JAKMIP2: variants seen among roughly 807,000 people sequenced by gnomAD.
JAKMIP2 encodes janus kinase and microtubule-interacting protein 2.
Under a neutral mutation model 115.0 loss-of-function variants are expected in JAKMIP2, and 25 were observed. The observed-to-expected ratio is 0.22, with a 90% CI of 0.16 to 0.30. JAKMIP2 has a LOEUF of 0.30. JAKMIP2 is among the 10% of genes least tolerant of loss of function. The probability of loss-of-function intolerance (pLI) is 1.00; values close to 1 mark genes in which losing one functional copy is unlikely to be tolerated. For synonymous variants in JAKMIP2, 334 were observed against 343.6 expected (o/e 0.97, Z 0.31); for missense variants, 642 against 957.6 (o/e 0.67, Z 4.35).
chr5:147,657,018 A>G, intron 3 of JAKMIP2, among the ~76,000 whole-genome samples: 1 of 152,144 alleles, frequency 6.6e-6, no homozygotes. Context: ...TGTGGCTCAC[A>G]CCTGTAATCC....
intron 3 of JAKMIP2, among the ~76,000 whole-genome samples, chr5:147,655,002 C>A (rs764348999): frequency 3.9e-5 from 6 of 152,104 alleles, no homozygotes; most frequent in Non-Finnish European, 7.3e-5. Flanking sequence ...TGATGGATTA[C>A]ATTTATTGAT....
intron 1 of JAKMIP2, among the ~76,000 whole-genome samples, chr5:147,752,370 T>G (rs1256513189): frequency 6.6e-6 from 1 of 152,078 alleles, no homozygotes; most frequent in Non-Finnish European, 1.5e-5. Flanking sequence ...GTTAAGTGAG[T>G]GACATGACCA....
Position 147,782,645 on chromosome 5 carries a change from C to A in JAKMIP2, c.-338G>T. 1.4e-6 allele frequency: 1 copy of A among 690,076 alleles called. No individual in the cohort carries two copies. The highest frequency in any genetic ancestry group is 2.6e-6 in the Non-Finnish European group (1 of 382,378). 42.7% of individuals were successfully genotyped at this position (690,076 alleles called of 1,614,324 possible). On this transcript the variant is annotated 5_prime_UTR_variant, in exon 1 of 22. Coordinates refer to ENST00000616793, the MANE Select transcript of JAKMIP2 (RefSeq NM_001270941.2). The stretch of plus-strand genomic sequence containing the variant: ...CCTTCCAGCCCCACTAGAGTATCAG[C>A]AATAGAGGCGGCGGCGGCGGCAGCA...
intron 5 of JAKMIP2, among the ~76,000 whole-genome samples, chr5:147,646,333 A>G (rs1758127711): frequency 6.6e-6 from 1 of 152,212 alleles, no homozygotes. Context: ...CTTAGTCCTT[A>G]GTGCCTGAAG....
In JAKMIP2 at chr5:147,742,148, T is replaced by C. The variant is rs1036469467; in HGVS notation, c.-149+40308A>G. The stretch of plus-strand genomic sequence containing the variant: ...TTAGCCCTGTGGATCATTATATATA[T>C]ATATATATTTTTTTTACTATTGTAT... On this transcript the variant is annotated intron_variant, in intron 1 of 21. Transcript: ENST00000616793. Among the ~76,000 whole-genome samples the C allele has an allele frequency of 5.4e-5, 6 of 111,008 alleles. 1 individual carries two copies. In the East Asian group the frequency reaches 1.7e-3, roughly 31 times the overall value. The allele number at this position is 111,008 out of a possible 152,430, so 72.8% of individuals were successfully genotyped here. A position where few individuals can be genotyped will look rare whatever the true frequency, so the allele number is the denominator to read the frequency against.
At chr5:147,618,276 G>GA (rs1295920499) in intron 18 of JAKMIP2, among the ~76,000 whole-genome samples, 162 bp from the exon 19 acceptor site, 1 of 152,230 alleles carries the variant, frequency 6.6e-6, no homozygotes, top group Non-Finnish European at 1.5e-5. Flanking sequence ...TTACACTTCT[G>GA]AAAATCTCCT....
At chr5:147,723,649 T>A (rs1187867212) in intron 1 of JAKMIP2, among the ~76,000 whole-genome samples, 2 of 152,200 alleles carry the variant, frequency 1.3e-5, no homozygotes, top group Admixed American at 1.3e-4. Context: ...CTTACTCTTC[T>A]GTGTCTTTCG....
intron 17 of JAKMIP2, 21 bp downstream of exon 17, chr5:147,623,599 CA>C: frequency 6.6e-7 from 1 of 1,520,990 alleles, no homozygotes; most frequent in Non-Finnish European, 9.1e-7. Context: ...TTAATTTTTA[CA>C]ATATCTCATC....
chr5:147,690,084 TCA>T (rs1288219478), intron 1 of JAKMIP2, among the ~76,000 whole-genome samples: 3 of 152,154 alleles, frequency 2.0e-5, no homozygotes, highest in Non-Finnish European at 4.4e-5. Flanking sequence ...ACACAGTGGC[TCA>T]CACCAGTAAT....
chr5:147,672,394 C>G (rs2126808427), intron 1 of JAKMIP2, among the ~76,000 whole-genome samples: 1 of 152,312 alleles, frequency 6.6e-6, no homozygotes, highest in Non-Finnish European at 1.5e-5. Context: ...AATAGCTAAA[C>G]TGTGAGAAGT....
chr5:147,701,419 A>G (rs1752320920), intron 1 of JAKMIP2, among the ~76,000 whole-genome samples: 1 of 152,178 alleles, frequency 6.6e-6, no homozygotes, highest in Admixed American at 6.5e-5. Context: ...TATGGTCTGA[A>G]TGCTTTTATC....
intron 19 of JAKMIP2, among the ~76,000 whole-genome samples, chr5:147,615,883 T>C (rs992340959): frequency 1.2e-4 from 19 of 152,076 alleles, no homozygotes; most frequent in Admixed American, 4.6e-4. Context: ...CATTTGGCAG[T>C]ACCTGGAAGC....
chr5:147,714,525 A>C (rs570649766), intron 1 of JAKMIP2, among the ~76,000 whole-genome samples: 1 of 152,322 alleles, frequency 6.6e-6, no homozygotes, highest in Non-Finnish European at 1.5e-5. Flanking sequence ...GACTTAAAAG[A>C]ATCCAAGAGA....
At chr5:147,760,623 C>T (rs886374192) in intron 1 of JAKMIP2, among the ~76,000 whole-genome samples, 9 of 152,140 alleles carry the variant, frequency 5.9e-5, no homozygotes, top group African/African-American at 2.2e-4. Flanking sequence ...CCAACTAGGG[C>T]AGCTGTGGAT....
At chr5:147,663,472 C>T (rs1759138124) in intron 2 of JAKMIP2, among the ~76,000 whole-genome samples, 1 of 152,198 alleles carries the variant, frequency 6.6e-6, no homozygotes, top group African/African-American at 2.4e-5. Flanking sequence ...AGTTCTTCAG[C>T]TTTGGGACTT....
intron 7 of JAKMIP2, 120 bp downstream of exon 7, chr5:147,643,938 T>A (rs1330204375): frequency 1.5e-6 from 1 of 674,880 alleles, no homozygotes; most frequent in East Asian, 2.7e-5. Context: ...CAAAATTACA[T>A]ATTTAACATA....
intron 1 of JAKMIP2, among the ~76,000 whole-genome samples, chr5:147,722,900 G>A (rs961654430): frequency 1.3e-5 from 2 of 151,906 alleles, no homozygotes; most frequent in African/African-American, 4.8e-5. Context: ...CATTTCATGT[G>A]GTTATTGCAG....
intron 1 of JAKMIP2, among the ~76,000 whole-genome samples, chr5:147,757,256 T>A (rs1389258063): frequency 2.6e-5 from 4 of 151,974 alleles, no homozygotes; most frequent in Non-Finnish European, 4.4e-5. Context: ...TCCTGTAAAC[T>A]TTTTTTCTAG....
chr5:147,671,522 C>T (rs1759587066), intron 2 of JAKMIP2, among the ~76,000 whole-genome samples, 156 bp downstream of exon 2: 1 of 152,242 alleles, frequency 6.6e-6, no homozygotes, highest in South Asian at 2.1e-4. Context: ...CCTCCTGCCA[C>T]ATGCAATAAG....
Sources: gnomAD v4.1 joint callset for allele counts (sites outside exome capture counted in the v4.1 genomes callset) on GRCh38, gnomAD v4.1.1 for gene constraint, MANE v1.5 for transcripts, NCBI Gene and HGNC (gene_info 2026-07-23, HGNC 2026-07-21) for gene names.